Variants in FRMD4A observed in about 807,000 individuals in gnomAD.
FRMD4A encodes the protein FERM domain-containing protein 4A.
Under a neutral mutation model 129.1 loss-of-function variants are expected in FRMD4A, and 29 were observed. The observed-to-expected ratio is 0.22, with a 90% CI of 0.17 to 0.31. The LOEUF (loss-of-function observed/expected upper bound fraction) is 0.31. Among genes scored for constraint, FRMD4A ranks in the 10% least tolerant of loss-of-function variants. FRMD4A has a pLI of 1.00. For missense variants in FRMD4A, 1,272 were observed against 1,375.8 expected (o/e 0.92, Z 1.19); for synonymous variants, 634 against 571.6 (o/e 1.11, Z -1.56).
intron 2 of FRMD4A, among the ~76,000 whole-genome samples, chr10:14,321,651 G>A (rs191365787): frequency 2.6e-5 from 4 of 152,296 alleles, no homozygotes; most frequent in African/African-American, 4.8e-5. Context: ...ATTTTAGGCA[G>A]AGAAATTAGA....
chr10:13,912,628 A>G (rs1482679201), intron 2 of FRMD4A, among the ~76,000 whole-genome samples: 1 of 148,380 alleles, frequency 6.7e-6, no homozygotes, highest in Non-Finnish European at 1.5e-5. Flanking sequence ...TCCCGAGTTC[A>G]CGCCGTTTTC....
chr10:13,701,498 A>G lies in FRMD4A; in HGVS notation c.837-20T>C. On this transcript the variant is annotated intron_variant, in intron 13 of 24. Coordinates refer to ENST00000357447, the MANE Select transcript of FRMD4A (RefSeq NM_018027.5). ...GAAGCCCTGGGGAAGCAAGAATCAC[A>G]AGGTTCAATCCCATTTCTGTTGAGA... 1 of 1,609,844 alleles carries G rather than the reference A, an allele frequency of 6.2e-7. No individual in the cohort carries two copies. Among genetic ancestry groups the G allele is most frequent in the Non-Finnish European group, 8.5e-7 (1 of 1,177,260 alleles).
intron 2 of FRMD4A, among the ~76,000 whole-genome samples, chr10:13,968,823 T>G (rs1447795794): frequency 7.0e-6 from 1 of 142,508 alleles, no homozygotes; most frequent in African/African-American, 2.7e-5. Flanking sequence ...AAGCAAAGGC[T>G]AGGAGTGACT....
intron 12 of FRMD4A, among the ~76,000 whole-genome samples, chr10:13,718,993 A>G (rs1419375512): frequency 6.6e-6 from 1 of 152,174 alleles, no homozygotes; most frequent in Non-Finnish European, 1.5e-5. Context: ...ATGAATGAAG[A>G]GCTTTTTGAG....
Position 14,162,761 on chromosome 10 carries a change from G to A in FRMD4A, c.45+167297C>T, listed in dbSNP as rs183142061. Among the ~76,000 whole-genome samples the A allele has an allele frequency of 5.9e-5, 9 of 151,522 alleles. No homozygotes were observed. The East Asian group carries it at 1.7e-3, about 29-fold the overall frequency. ...GTTAGCTGGTTGCTGCAGGTACCAGGACACTAGGTCAAGCTATGCACAGCA... is the reference window on the plus strand; with the variant it reads ...GTTAGCTGGTTGCTGCAGGTACCAGAACACTAGGTCAAGCTATGCACAGCA... On this transcript the variant is annotated intron_variant, in intron 2 of 24. Coordinates refer to ENST00000357447, the MANE Select transcript of FRMD4A (RefSeq NM_018027.5).
At chr10:13,975,326 A>G (rs1199182523) in intron 2 of FRMD4A, among the ~76,000 whole-genome samples, 1 of 144,816 alleles carries the variant, frequency 6.9e-6, no homozygotes, top group African/African-American at 2.6e-5. Flanking sequence ...GTGTGTGCCT[A>G]TCTCTGAGCC....
At chr10:13,693,664 C>T (rs1244965353) in intron 15 of FRMD4A, 2 of 648,630 alleles carry the variant, frequency 3.1e-6, no homozygotes, top group Admixed American at 2.4e-5. Flanking sequence ...GGCCTTCTTG[C>T]ACTGCGTGGT....
At chr10:14,009,317 T>TTTTTTC (rs894432870) in intron 2 of FRMD4A, among the ~76,000 whole-genome samples, 2 of 152,214 alleles carry the variant, frequency 1.3e-5, no homozygotes, top group African/African-American at 4.8e-5. Flanking sequence ...TTTGGGTTTT[T>TTTTTTC]TTTTTCTTTT....
At chr10:14,160,018 C>G (rs1840800219) in intron 2 of FRMD4A, among the ~76,000 whole-genome samples, 1 of 152,140 alleles carries the variant, frequency 6.6e-6, no homozygotes, top group Non-Finnish European at 1.5e-5. Flanking sequence ...CCACTGCACT[C>G]CAGCCTGGGC....
chr10:14,007,739 C>G (rs2095667202), intron 2 of FRMD4A, among the ~76,000 whole-genome samples: 1 of 152,166 alleles, frequency 6.6e-6, no homozygotes, highest in African/African-American at 2.4e-5. Flanking sequence ...TTCACAGCCC[C>G]CATGCATTTC....
Position 13,918,652 on chromosome 10 carries a change from C to A in FRMD4A, c.46-59740G>T, listed in dbSNP as rs112223487. Among the ~76,000 whole-genome samples the A allele has an allele frequency of 7.1e-3, 1,083 of 152,140 alleles. 12 individuals are homozygous for A. Among genetic ancestry groups the A allele is most frequent in the African/African-American group, 0.024 (1,003 of 41,498 alleles). The stretch of plus-strand genomic sequence containing the variant: ...CAAGTGATTCTCCTGCCTCAGCCTC[C>A]TGAGTAGCTGGGATTACAGGTGTGC... On this transcript the variant is annotated intron_variant, in intron 2 of 24. Transcript: ENST00000357447.
chr10:13,673,768 GCTT>G lies in FRMD4A; in HGVS notation c.1251+1140_1251+1142del, dbSNP rs1444472486. ...ACATACATAGGGTCGAGAAAGCATT[GCTT>G]TTTTTTTTTTTTTTTTTTTTTTGAG... is the stretch of plus-strand genomic sequence containing the variant. On this transcript the variant is annotated intron_variant, in intron 16 of 24. Coordinates refer to ENST00000357447, the MANE Select transcript of FRMD4A (RefSeq NM_018027.5). Among the ~76,000 whole-genome samples, 1,125 of 133,364 alleles carry G rather than the reference GCTT, an allele frequency of 8.4e-3. 13 individuals are homozygous for G. Among genetic ancestry groups the G allele is most frequent in the African/African-American group, 0.033 (1,092 of 32,906 alleles). The allele number at this position is 133,364 out of a possible 152,430, so 87.5% of individuals were successfully genotyped here.
At chr10:14,101,972 T>A (rs10906596) in intron 2 of FRMD4A, among the ~76,000 whole-genome samples, 22,530 of 152,194 alleles carry the variant, frequency 0.15, 1,987 homozygotes, top group Non-Finnish European at 0.2. Context: ...ATGAAAAAAA[T>A]TAAGCTGCTT....
chr10:13,881,228 G>C (rs1218173416), intron 2 of FRMD4A, among the ~76,000 whole-genome samples: 1 of 147,152 alleles, frequency 6.8e-6, no homozygotes, highest in African/African-American at 2.5e-5. Flanking sequence ...ACCAGCCAAG[G>C]CAATCTAGTG....
chr10:13,886,828 C>T (rs545401246), intron 2 of FRMD4A, among the ~76,000 whole-genome samples: 2 of 152,298 alleles, frequency 1.3e-5, no homozygotes, highest in African/African-American at 4.8e-5. Flanking sequence ...GCTTATACAA[C>T]CAGGGTCCGG....
intron 14 of FRMD4A, among the ~76,000 whole-genome samples, chr10:13,701,103 G>A (rs2086790830): frequency 6.6e-6 from 1 of 152,138 alleles, no homozygotes; most frequent in African/African-American, 2.4e-5. Context: ...GCTGCAGTCA[G>A]CGGCTTGAGC....
chr10:13,957,526 A>T (rs540243627), intron 2 of FRMD4A, among the ~76,000 whole-genome samples: 1 of 152,164 alleles, frequency 6.6e-6, no homozygotes, highest in African/African-American at 2.4e-5. Flanking sequence ...AAGTGCTGGG[A>T]TTATAGACGT....
chr10:14,134,598 A>G (rs77638031), intron 2 of FRMD4A, among the ~76,000 whole-genome samples: 3 of 150,436 alleles, frequency 2.0e-5, no homozygotes, highest in African/African-American at 7.4e-5. Context: ...ATGGATGGGT[A>G]GATGGATGGA....
rs551960988 is a variant in FRMD4A at position 14,244,382 on chromosome 10, C to A, written c.45+85676G>T. Among the ~76,000 whole-genome samples the A allele has an allele frequency of 6.6e-5, 10 of 152,294 alleles. No homozygotes were observed. In the East Asian group the frequency reaches 1.9e-3, roughly 29 times the overall value. ...ACTAATGAGCTGTAAGCAGAAGCAA[C>A]AAGTGTCAGTTCCAAACTGAAGCAT... is the stretch of plus-strand genomic sequence containing the variant. On this transcript the variant is annotated intron_variant, in intron 2 of 24. Transcript: ENST00000357447.
Sources: allele counts gnomAD v4.1 joint callset (sites outside exome capture counted in the v4.1 genomes callset), GRCh38; gene constraint gnomAD v4.1.1; transcripts MANE v1.5; gene names NCBI Gene and HGNC (gene_info 2026-07-23, HGNC 2026-07-21).